Variants in FRMPD4 observed in about 807,000 individuals in gnomAD.
The protein encoded by FRMPD4 is FERM and PDZ domain containing 4, also known as FERM and PDZ domain-containing protein 4.
In FRMPD4, 22 loss-of-function variants were observed where a neutral mutation model predicts 94.1. The observed-to-expected ratio is 0.23, with a 90% CI of 0.17 to 0.33. FRMPD4 has a LOEUF of 0.33. FRMPD4 is among the 10% of genes least tolerant of loss of function. FRMPD4 has a pLI of 1.00. For missense variants in FRMPD4, 1,111 were observed against 1,339.9 expected (o/e 0.83, Z 2.67); for synonymous variants, 631 against 548.6 (o/e 1.15, Z -2.10).
chrX:11,965,941 T>C (rs1479057273), intron 3 of FRMPD4, among the ~76,000 whole-genome samples: 1 of 111,492 alleles, frequency 9.0e-6, no homozygotes, highest in Non-Finnish European at 1.9e-5. Flanking sequence ...TTTATCACAA[T>C]AGAATAACGC....
chrX:12,528,152 G>A (rs184104989), intron 2 of FRMPD4, among the ~76,000 whole-genome samples: 2 of 111,136 alleles, frequency 1.8e-5, no homozygotes, highest in Admixed American at 1.9e-4. Context: ...GTGTGTGCCA[G>A]ACACATAATC....
intron 1 of FRMPD4, among the ~76,000 whole-genome samples, chrX:12,481,952 A>AAAAAAAAAAAAAT (rs1321460065): frequency 1.1e-5 from 1 of 92,968 alleles, no homozygotes; most frequent in Non-Finnish European, 2.1e-5. Flanking sequence ...CAAAAAAAAA[A>AAAAAAAAAAAAAT]AAAAAAAAAA....
chrX:12,367,589 G>A (rs1197865224), intron 1 of FRMPD4, among the ~76,000 whole-genome samples: 1 of 111,648 alleles, frequency 9.0e-6, no homozygotes, highest in Non-Finnish European at 1.9e-5. Flanking sequence ...CGGGGCCGCT[G>A]CACTCGTTGG....
rs769843990 is a variant in FRMPD4, at chrX:12,484,065, C to T, written c.42-14615C>T. Among the ~76,000 whole-genome samples, 9 of 111,531 alleles carry T rather than the reference C, an allele frequency of 8.1e-5. No individual in the cohort carries two copies. The East Asian group carries it at 1.4e-3, about 17-fold the overall frequency. ...ATGAAATGCTGAGCATTAGAATATA[C>T]AATGGATGAATATGATCGTCCATTG... On this transcript the variant is annotated intron_variant, in intron 1 of 16. Transcript: ENST00000675598.
At chrX:12,237,778 G>A (rs1249480057) in intron 1 of FRMPD4, among the ~76,000 whole-genome samples, 1 of 112,405 alleles carries the variant, frequency 8.9e-6, no homozygotes, top group Non-Finnish European at 1.9e-5. Flanking sequence ...AAGCTGATCA[G>A]AAAACTAAAA....
chrX:12,438,899 CA>C (rs2148118468), intron 1 of FRMPD4, among the ~76,000 whole-genome samples: 1 of 110,682 alleles, frequency 9.0e-6, no homozygotes, highest in South Asian at 4.0e-4. Context: ...ATGAGGAAAC[CA>C]AAACTTAGCA....
intron 1 of FRMPD4, among the ~76,000 whole-genome samples, chrX:12,239,158 C>T (rs962409246): frequency 3.6e-5 from 4 of 112,274 alleles, no homozygotes; most frequent in African/African-American, 1.3e-4. Context: ...AGGTATCCAT[C>T]ATTTAGAAAT....
intron 3 of FRMPD4, among the ~76,000 whole-genome samples, chrX:12,074,362 T>C (rs1351395490): frequency 9.0e-6 from 1 of 111,374 alleles, no homozygotes. Flanking sequence ...CTCCTTGTGT[T>C]GCTCCTTCCG....
intron 1 of FRMPD4, among the ~76,000 whole-genome samples, chrX:11,828,987 C>A (rs2053459960): frequency 8.9e-6 from 1 of 112,235 alleles, no homozygotes; most frequent in South Asian, 3.6e-4. Flanking sequence ...CAGTTGGAAT[C>A]TGAAGGCAGG....
intron 1 of FRMPD4, among the ~76,000 whole-genome samples, chrX:12,206,138 A>G (rs751211577): frequency 1.6e-4 from 18 of 112,382 alleles, no homozygotes; most frequent in Non-Finnish European, 3.4e-4. Flanking sequence ...CTCAGAATCT[A>G]ACCTTGCAAA....
chrX:12,165,427 G>A (rs2056099413), intron 1 of FRMPD4, among the ~76,000 whole-genome samples: 2 of 111,820 alleles, frequency 1.8e-5, no homozygotes, highest in South Asian at 7.5e-4. Context: ...TTTGGTACCA[G>A]TACCATGCTG....
At chrX:12,361,728 G>C (rs1234383747) in intron 1 of FRMPD4, among the ~76,000 whole-genome samples, 1 of 111,736 alleles carries the variant, frequency 8.9e-6, no homozygotes, top group Non-Finnish European at 1.9e-5. Context: ...AAACTGGGAG[G>C]CTTAAAACAA....
intron 1 of FRMPD4, among the ~76,000 whole-genome samples, chrX:12,245,149 A>G (rs1278927203): frequency 1.8e-5 from 2 of 112,097 alleles, no homozygotes; most frequent in Admixed American, 9.5e-5. Context: ...GCATATGTTG[A>G]GGGTGGGCCT....
rs1375044727 is a variant in FRMPD4 at position 12,568,122 on chromosome X, C to G, written c.159-41599C>G. On this transcript the variant is annotated intron_variant, in intron 2 of 16. Coordinates refer to ENST00000675598, the MANE Select transcript of FRMPD4 (RefSeq NM_001368397.1). ...CAAACACACATCTCATTTTGTTTGG[C>G]AAGAAAACGCTAACAGTAGGAAAAG... is the stretch of plus-strand genomic sequence containing the variant. Among the ~76,000 whole-genome samples, 3 of 110,784 alleles carry G rather than the reference C, an allele frequency of 2.7e-5. No individual in the cohort carries two copies. In the Admixed American group the frequency reaches 2.9e-4, roughly 11 times the overall value.
At chrX:12,435,388 T>A (rs1339630242) in intron 1 of FRMPD4, among the ~76,000 whole-genome samples, 1 of 112,034 alleles carries the variant, frequency 8.9e-6, no homozygotes, top group African/African-American at 3.2e-5. Flanking sequence ...ATTCAGTATA[T>A]GCTGTATATA....
At chrX:12,275,420 G>A (rs960483971) in intron 1 of FRMPD4, among the ~76,000 whole-genome samples, 5 of 110,789 alleles carry the variant, frequency 4.5e-5, no homozygotes, top group Admixed American at 1.9e-4. Context: ...ATAAATTACC[G>A]AGTCTCAGGT....
At chrX:12,095,829 C>A (rs1405015885) in intron 3 of FRMPD4, among the ~76,000 whole-genome samples, 10 of 112,352 alleles carry the variant, frequency 8.9e-5, no homozygotes, top group Admixed American at 1.9e-4. Context: ...CAACCACATT[C>A]CATCAATTCT....
chrX:12,691,310 T>A (rs2060078693), intron 8 of FRMPD4, among the ~76,000 whole-genome samples: 1 of 110,271 alleles, frequency 9.1e-6, no homozygotes, highest in Non-Finnish European at 1.9e-5. Flanking sequence ...TGAGACAGAG[T>A]CTCACTCTGC....
At chrX:12,311,938 A>T (rs953820062) in intron 1 of FRMPD4, among the ~76,000 whole-genome samples, 4 of 111,323 alleles carry the variant, frequency 3.6e-5, no homozygotes, top group African/African-American at 1.3e-4. Flanking sequence ...AATGTATTTT[A>T]TCAGAGTAAA....
Sources: gnomAD v4.1 joint callset for allele counts (sites outside exome capture counted in the v4.1 genomes callset) on GRCh38, gnomAD v4.1.1 for gene constraint, MANE v1.5 for transcripts, NCBI Gene and HGNC (gene_info 2026-07-23, HGNC 2026-07-21) for gene names.